Variants in SLC6A11 observed in about 807,000 individuals in gnomAD.
SLC6A11 encodes the protein sodium- and chloride-dependent GABA transporter 3.
A neutral mutation model predicts 74.8 loss-of-function variants in SLC6A11; 25 were observed. That is an observed-to-expected ratio of 0.33 (90% confidence interval 0.24 to 0.47). The LOEUF is 0.47. Ranked by LOEUF, SLC6A11 falls within the 20% of genes least tolerant of loss-of-function variation. SLC6A11 has a pLI of 1.00. For missense variants in SLC6A11, 574 were observed against 837.0 expected, an observed-to-expected ratio of 0.69 and a Z score of 3.88; for synonymous variants, 330 against 330.2, an observed-to-expected ratio of 1.00 and a Z score of 0.01.
chr3:10,875,485 T>C (rs1248807842), intron 6 of SLC6A11, among the ~76,000 whole-genome samples: 2 of 152,192 alleles, frequency 1.3e-5, no homozygotes, highest in Non-Finnish European at 2.9e-5. Context: ...GTTCATTGCC[T>C]GCATCTAAAA....
intron 5 of SLC6A11, among the ~76,000 whole-genome samples, chr3:10,869,417 A>T (rs1440676332): frequency 1.3e-5 from 2 of 152,266 alleles, no homozygotes. Context: ...GATAGAAAGG[A>T]CAATGAGTTC....
At chr3:10,877,847 CT>C (rs1450113114) in intron 6 of SLC6A11, among the ~76,000 whole-genome samples, 6 of 152,196 alleles carry the variant, frequency 3.9e-5, no homozygotes, top group African/African-American at 1.4e-4. Context: ...GTGTTTACCA[CT>C]TGGCTCTTTC....
At chr3:10,838,509 G>A (rs933475391) in intron 4 of SLC6A11, among the ~76,000 whole-genome samples, 1 of 152,202 alleles carries the variant, frequency 6.6e-6, no homozygotes, top group Admixed American at 6.5e-5. Flanking sequence ...AGCACTTTGG[G>A]AAGCCAGGAT....
intron 9 of SLC6A11, among the ~76,000 whole-genome samples, chr3:10,927,045 C>T (rs1330041221): frequency 6.6e-6 from 1 of 152,234 alleles, no homozygotes; most frequent in Non-Finnish European, 1.5e-5. Flanking sequence ...GAGTGCCGCC[C>T]TCACCCATGA....
Position 10,935,189 on chromosome 3 carries a change from C to G in SLC6A11, c.1736C>G (p.Thr579Arg). Residue 579 changes from threonine (T) to arginine (R), a missense_variant, in exon 13 of 14, where the codon ACA (threonine) becomes AGA (arginine). Physicochemically the swap from Thr to Arg is moderately conservative, Grantham distance 71. This residue lies in a region of SLC6A11 where 257 missense variants were observed against 341.5 expected (regional missense o/e 0.75). Coordinates refer to ENST00000254488, the MANE Select transcript of SLC6A11 (RefSeq NM_014229.3). Reference sequence around the variant, plus strand: ...ATCACAGTGTGGAAGACGGAGGGGACACTGCCCGAGGTGAGACCGCCCCAG... The same window carrying G: ...ATCACAGTGTGGAAGACGGAGGGGAGACTGCCCGAGGTGAGACCGCCCCAG... Reference protein sequence around the residue: ...ICITVWKTEGTLPEKLQKLTT... With the variant: ...ICITVWKTEGRLPEKLQKLTT... 1 of 1,614,098 alleles carries G rather than the reference C, an allele frequency of 6.2e-7. No individual in the cohort carries two copies. Among genetic ancestry groups the G allele is most frequent in the Non-Finnish European group, 8.5e-7 (1 of 1,179,964 alleles).
chr3:10,927,206 T>C (rs949951366), intron 9 of SLC6A11, among the ~76,000 whole-genome samples: 2 of 152,124 alleles, frequency 1.3e-5, no homozygotes, highest in Admixed American at 1.3e-4. Flanking sequence ...TCTTCCCTTA[T>C]TGTTGCTGTT....
chr3:10,876,395 C>T (rs1200311689), intron 6 of SLC6A11, among the ~76,000 whole-genome samples: 1 of 152,162 alleles, frequency 6.6e-6, no homozygotes, highest in African/African-American at 2.4e-5. Context: ...TTTTGGAGAA[C>T]ATATTCTACA....
intron 3 of SLC6A11, among the ~76,000 whole-genome samples, chr3:10,822,921 C>T (rs763636290): frequency 3.9e-5 from 6 of 152,158 alleles, no homozygotes; most frequent in Non-Finnish European, 7.3e-5. Context: ...TCACCATGGA[C>T]GATCTATTCC....
intron 8 of SLC6A11, among the ~76,000 whole-genome samples, chr3:10,921,416 C>T (rs752892021): frequency 6.6e-6 from 1 of 151,906 alleles, no homozygotes; most frequent in East Asian, 1.9e-4. Context: ...GTTATTAACT[C>T]GAATAAGTTA....
intron 6 of SLC6A11, among the ~76,000 whole-genome samples, chr3:10,909,864 C>A (rs1222973975): frequency 6.6e-6 from 1 of 152,220 alleles, no homozygotes; most frequent in African/African-American, 2.4e-5. Flanking sequence ...GTCTTTAACA[C>A]TTTTTTCTCC....
intron 5 of SLC6A11, among the ~76,000 whole-genome samples, 161 bp downstream of exon 5, chr3:10,844,507 T>G (rs766447257): frequency 1.3e-5 from 2 of 152,120 alleles, no homozygotes; most frequent in Non-Finnish European, 2.9e-5. Context: ...CCTCACCACT[T>G]ATTGGCCGCC....
chr3:10,891,945 A>G (rs1695112163), intron 6 of SLC6A11, among the ~76,000 whole-genome samples: 1 of 152,256 alleles, frequency 6.6e-6, no homozygotes, highest in Admixed American at 6.5e-5. Context: ...TGTGTGTGAA[A>G]GAGCTCTGAG....
chr3:10,884,359 G>GA (rs1410516484), intron 6 of SLC6A11, among the ~76,000 whole-genome samples: 1 of 152,138 alleles, frequency 6.6e-6, no homozygotes, highest in East Asian at 1.9e-4. Context: ...GCAAATAGTT[G>GA]AAAATTATTA....
At chr3:10,855,035 G>A (rs1194561354) in intron 5 of SLC6A11, among the ~76,000 whole-genome samples, 1 of 152,102 alleles carries the variant, frequency 6.6e-6, no homozygotes, top group Admixed American at 6.5e-5. Context: ...GTGAGTAGGT[G>A]GGTAGGTAGA....
chr3:10,895,254 TA>T lies in SLC6A11; in HGVS notation c.892-16830del, dbSNP rs1391232446. On this transcript the variant is annotated intron_variant, in intron 6 of 13. Transcript: ENST00000254488. ...ATTTGAGAGAGTGCATTTTATTGATTAAAAAAGAGAGTTGGTAATGCTACTT... is the reference window on the plus strand; with the variant it reads ...ATTTGAGAGAGTGCATTTTATTGATTAAAAAGAGAGTTGGTAATGCTACTT... 2.0e-5 allele frequency among the ~76,000 whole-genome samples: 3 copies of T among 152,340 alleles called. No homozygotes were observed. The East Asian group carries it at 5.8e-4, about 29-fold the overall frequency.
intron 6 of SLC6A11, among the ~76,000 whole-genome samples, chr3:10,906,329 T>C (rs985335778): frequency 2.6e-5 from 4 of 152,212 alleles, no homozygotes; most frequent in African/African-American, 9.7e-5. Context: ...AAAAACCCTA[T>C]GGACAGCACC....
intron 6 of SLC6A11, among the ~76,000 whole-genome samples, chr3:10,892,511 C>T (rs1012873137): frequency 2.0e-5 from 3 of 151,996 alleles, no homozygotes; most frequent in African/African-American, 7.3e-5. Context: ...ACTGTACCTC[C>T]TTGTGCCAGA....
In SLC6A11 at chr3:10,929,306, C is replaced by T. The variant is rs1695652015; in HGVS notation, c.1338C>T (p.Ile446=). ...RELLILALSV[I]SYFLGLVMLT... Reference sequence around the variant, plus strand: ...TGCTCATCCTAGCCTTGTCTGTTATCTCCTATTTTCTGGGCCTCGTGATGT... The same window carrying T: ...TGCTCATCCTAGCCTTGTCTGTTATTTCCTATTTTCTGGGCCTCGTGATGT... Residue 446 remains isoleucine, a synonymous_variant, in exon 10 of 14, where the codon ATC becomes ATT. Transcript: ENST00000254488. The T allele has an allele frequency of 1.9e-6, 3 of 1,614,134 alleles. No homozygotes were observed. Among genetic ancestry groups the T allele is most frequent in the Non-Finnish European group, 2.5e-6 (3 of 1,180,004 alleles).
At position 10,875,011 on chromosome 3, in the gene SLC6A11, G is replaced by T. The variant is rs1297061586; in HGVS notation, c.807G>T (p.Leu269=). ...CCTACATCATGCTGCTGATCCTCCTGATACGAGGGGTCACGTTGCCCGGGG... is the reference window on the plus strand; with the variant it reads ...CCTACATCATGCTGCTGATCCTCCTTATACGAGGGGTCACGTTGCCCGGGG... ...TFPYIMLLIL[L]IRGVTLPGAS... is the part of the protein sequence containing the mutation. The change falls in exon 6 of 14, where the codon CTG becomes CTT. Residue 269 remains leucine, a synonymous_variant. Coordinates refer to ENST00000254488, the MANE Select transcript of SLC6A11 (RefSeq NM_014229.3). 3.1e-6 allele frequency: 5 copies of T among 1,613,716 alleles called. No individual in the cohort carries two copies. The highest frequency in any genetic ancestry group is 4.2e-6 in the Non-Finnish European group (5 of 1,179,766).
Sources: allele counts gnomAD v4.1 joint callset (sites outside exome capture counted in the v4.1 genomes callset), GRCh38; gene constraint gnomAD v4.1.1; regional missense constraint gnomAD v4.1.1; transcripts MANE v1.5; gene names NCBI Gene and HGNC (gene_info 2026-07-23, HGNC 2026-07-21).